CHST9: variants seen among roughly 807,000 people sequenced by gnomAD.
The protein encoded by CHST9 is GalNAc-4-sulfotransferase 2.
In CHST9, 41 loss-of-function variants were observed where a neutral mutation model predicts 44.4. The observed-to-expected ratio is 0.92, with a 90% CI of 0.72 to 1.20. The LOEUF (loss-of-function observed/expected upper bound fraction) is 1.20. Among genes scored for constraint, CHST9 ranks in the 50% most tolerant of loss-of-function variants. The probability of loss-of-function intolerance (pLI) is 0.00; values close to 1 mark genes in which losing one functional copy is unlikely to be tolerated. For missense variants in CHST9, 504 were observed against 516.5 expected (o/e 0.98, Z 0.23); for synonymous variants, 171 against 178.4 (o/e 0.96, Z 0.33).
chr18:26,910,930 GAATCATGCAT>G lies in CHST9; in HGVS notation c.*5319_*5328del, dbSNP rs961175339. On this transcript the variant is annotated 3_prime_UTR_variant, in exon 6 of 6. Transcript: ENST00000618847. ...CAGTAAATGGCTCTTATGTTGACCA[GAATCATGCAT>G]TTTTCTCAAAATTTTCTTCCCCAAA... The G allele has an allele frequency of 6.6e-6, 1 of 152,164 alleles. No individual in the cohort carries two copies. Among genetic ancestry groups the G allele is most frequent in the Non-Finnish European group, 1.5e-5 (1 of 68,016 alleles). The allele number at this position is 152,164 out of a possible 1,614,324, so 9.4% of individuals were successfully genotyped here. A position where few individuals can be genotyped will look rare whatever the true frequency, so the allele number is the denominator to read the frequency against.
intron 4 of CHST9, among the ~76,000 whole-genome samples, chr18:26,993,684 A>T (rs538235330): frequency 1.2e-4 from 19 of 152,376 alleles, no homozygotes; most frequent in Non-Finnish European, 2.6e-4. Flanking sequence ...TCTTAAAAAT[A>T]AAAGAGTTAG....
At chr18:27,019,328 G>A (rs760061912) in intron 4 of CHST9, among the ~76,000 whole-genome samples, 5 of 152,182 alleles carry the variant, frequency 3.3e-5, no homozygotes, top group Non-Finnish European at 7.3e-5. Context: ...TACTCCGAGA[G>A]AGAGTATGCT....
chr18:27,007,848 A>G (rs2057035127), intron 4 of CHST9, among the ~76,000 whole-genome samples: 1 of 152,178 alleles, frequency 6.6e-6, no homozygotes, highest in Admixed American at 6.5e-5. Flanking sequence ...AGGAAAGGGT[A>G]TAGATAACTC....
At chr18:27,163,514 C>T (rs1044538935) in intron 1 of CHST9, among the ~76,000 whole-genome samples, 4 of 152,202 alleles carry the variant, frequency 2.6e-5, no homozygotes, top group Admixed American at 6.5e-5. Flanking sequence ...TCCGCAATGG[C>T]GGGCGCCCCT....
At chr18:27,050,082 G>A (rs993143416) in intron 2 of CHST9, among the ~76,000 whole-genome samples, 5 of 152,130 alleles carry the variant, frequency 3.3e-5, no homozygotes, top group Admixed American at 3.3e-4. Context: ...GATTGTGAGA[G>A]AGTAGTTTTA....
At chr18:27,152,582 T>C (rs1360053037) in intron 1 of CHST9, among the ~76,000 whole-genome samples, 1 of 152,204 alleles carries the variant, frequency 6.6e-6, no homozygotes, top group Admixed American at 6.6e-5. Context: ...TGTTTACACA[T>C]AGTCACAAGA....
In CHST9 at chr18:27,022,624, C is replaced by T. The variant is rs79709974; in HGVS notation, c.202+1492G>A. Reference sequence around the variant, plus strand: ...TCTACGTTGTTTTACTTGGGCAATACATGTGCTTTGATGTCTCCATGCTTT... The same window carrying T: ...TCTACGTTGTTTTACTTGGGCAATATATGTGCTTTGATGTCTCCATGCTTT... On this transcript the variant is annotated intron_variant, in intron 4 of 5. Coordinates refer to ENST00000618847, the MANE Select transcript of CHST9 (RefSeq NM_031422.6). 6.0e-3 allele frequency among the ~76,000 whole-genome samples: 915 copies of T among 152,306 alleles called. 6 individuals carry two copies. The highest frequency in any genetic ancestry group is 0.021 in the African/African-American group (868 of 41,570).
intron 5 of CHST9, among the ~76,000 whole-genome samples, chr18:26,929,160 G>C (rs2055830772): frequency 6.6e-6 from 1 of 152,096 alleles, no homozygotes; most frequent in South Asian, 2.1e-4. Context: ...CTGAGAAAAG[G>C]AACACCCTAC....
intron 2 of CHST9, among the ~76,000 whole-genome samples, chr18:27,060,579 A>G (rs2057710290): frequency 1.3e-5 from 2 of 152,144 alleles, no homozygotes; most frequent in African/African-American, 4.8e-5. Flanking sequence ...GCACAAGACT[A>G]AGAATTTGGC....
At chr18:26,926,292 C>A (rs1296100381) in intron 5 of CHST9, among the ~76,000 whole-genome samples, 4 of 152,120 alleles carry the variant, frequency 2.6e-5, no homozygotes, top group Admixed American at 2.6e-4. Flanking sequence ...TTTTATTTGC[C>A]AGTTCTTTCC....
intron 2 of CHST9, among the ~76,000 whole-genome samples, chr18:27,116,681 G>A (rs140923459): frequency 5.9e-5 from 9 of 152,126 alleles, no homozygotes; most frequent in African/African-American, 2.2e-4. Flanking sequence ...AGATAAATTT[G>A]GAGAGTTATT....
At chr18:27,015,171 C>T (rs2057136613) in intron 4 of CHST9, among the ~76,000 whole-genome samples, 1 of 152,172 alleles carries the variant, frequency 6.6e-6, no homozygotes, top group Non-Finnish European at 1.5e-5. Context: ...CTAAGATATT[C>T]TTGTAGCTGG....
At chr18:27,022,047 T>C (rs79125382) in intron 4 of CHST9, among the ~76,000 whole-genome samples, 2,083 of 152,284 alleles carry the variant, frequency 0.014, 57 homozygotes, top group African/African-American at 0.047. Context: ...GCCAAGTGCA[T>C]TGTAGTTTAT....
intron 4 of CHST9, among the ~76,000 whole-genome samples, chr18:26,974,788 C>T (rs1293684913): frequency 6.6e-6 from 1 of 152,080 alleles, no homozygotes; most frequent in Non-Finnish European, 1.5e-5. Flanking sequence ...ATTCTCCTGC[C>T]TCAGCCTCCC....
chr18:27,114,773 A>G (rs1004879320), intron 2 of CHST9, among the ~76,000 whole-genome samples: 11 of 152,244 alleles, frequency 7.2e-5, no homozygotes, highest in Middle Eastern at 3.4e-3. Context: ...TGTAGCATCT[A>G]TCAGTACTTT....
intron 2 of CHST9, among the ~76,000 whole-genome samples, chr18:27,065,489 T>C (rs2057771614): frequency 6.6e-6 from 1 of 152,132 alleles, no homozygotes; most frequent in African/African-American, 2.4e-5. Context: ...TTCATTTTGG[T>C]TATTCAAGTG....
At chr18:27,068,529 T>C (rs980470542) in intron 2 of CHST9, among the ~76,000 whole-genome samples, 1 of 152,216 alleles carries the variant, frequency 6.6e-6, no homozygotes, top group Non-Finnish European at 1.5e-5. Flanking sequence ...GTACGTTACA[T>C]GTGTCCTTGG....
chr18:27,147,140 C>T (rs1475131672), intron 1 of CHST9, among the ~76,000 whole-genome samples: 1 of 152,084 alleles, frequency 6.6e-6, no homozygotes, highest in East Asian at 1.9e-4. Context: ...TCTCAGCTCA[C>T]CACAACCTTC....
intron 3 of CHST9, among the ~76,000 whole-genome samples, chr18:27,024,833 G>A (rs1598649018): frequency 6.6e-6 from 1 of 152,040 alleles, no homozygotes; most frequent in African/African-American, 2.4e-5. Flanking sequence ...TTCCTTGAAC[G>A]GGTGATTTTT....
Sources: allele counts gnomAD v4.1 joint callset (sites outside exome capture counted in the v4.1 genomes callset), GRCh38; gene constraint gnomAD v4.1.1; transcripts MANE v1.5; gene names NCBI Gene and HGNC (gene_info 2026-07-23, HGNC 2026-07-21).